Variants in GUCY1A1 observed in about 807,000 individuals in gnomAD.
The protein encoded by GUCY1A1 is guanylate cyclase 1 soluble subunit alpha 1.
GUCY1A1 carries 48 observed loss-of-function variants against 64.5 expected under a neutral mutation model. The ratio of observed to expected loss-of-function variants is 0.74; its 90% CI spans 0.59 to 0.95. The LOEUF (loss-of-function observed/expected upper bound fraction) is 0.95. Ranked by LOEUF, GUCY1A1 falls within the 40% of genes least tolerant of loss-of-function variation. The pLI is 0.00. For synonymous variants in GUCY1A1, 308 were observed against 303.4 expected, an observed-to-expected ratio of 1.02 and a Z score of -0.16; for missense variants, 804 against 825.3, an observed-to-expected ratio of 0.97 and a Z score of 0.32.
chr4:155,722,164 A>G lies in GUCY1A1; in HGVS notation c.1843A>G (p.Lys615Glu). 1 of 1,613,042 alleles carries G rather than the reference A, an allele frequency of 6.2e-7. No individual in the cohort carries two copies. Among genetic ancestry groups the G allele is most frequent in the Middle Eastern group, 1.7e-4 (1 of 6,046 alleles). ...NKFESCSVPR[K>E]INVSPTTYRL... ...ATTTGAGTCCTGCAGTGTACCACGA[A>G]AAATCAATGTCAGCCCAACAACTTA... Residue 615 changes from lysine to glutamate, a missense_variant, in exon 9 of 10, where the codon AAA becomes GAA. By Grantham distance (56) the Lys-to-Glu change is moderately conservative (BLOSUM62 1). Coordinates refer to ENST00000506455, the MANE Select transcript of GUCY1A1 (RefSeq NM_001130682.3).
chr4:155,688,100 C>A (rs1579030008), intron 2 of GUCY1A1, among the ~76,000 whole-genome samples: 1 of 151,698 alleles, frequency 6.6e-6, no homozygotes, highest in Non-Finnish European at 1.5e-5. Flanking sequence ...TGGTGGCGGG[C>A]GCCTGTAGTC....
rs368816970 is a variant in GUCY1A1 at position 155,710,551 on chromosome 4, T to G, written c.386T>G (p.Val129Gly). ...AEQAVAAGVP[V>G]EVIKESLGEE... is the part of the protein sequence containing the mutation. Reference sequence around the variant, plus strand: ...TATTATGTGATTTCAGGAGTTCCAGTGGAGGTTATCAAAGAATCTCTTGGT... The same window carrying G: ...TATTATGTGATTTCAGGAGTTCCAGGGGAGGTTATCAAAGAATCTCTTGGT... Residue 129 changes from valine to glycine, a missense_variant, in exon 6 of 10, where the codon GTG becomes GGG. Val to Gly is a moderately radical substitution (Grantham distance 109). Coordinates refer to ENST00000506455, the MANE Select transcript of GUCY1A1 (RefSeq NM_001130682.3). 1 of 1,581,736 alleles carries G rather than the reference T, an allele frequency of 6.3e-7. No individual in the cohort carries two copies. Among genetic ancestry groups the G allele is most frequent in the Non-Finnish European group, 8.7e-7 (1 of 1,154,644 alleles).
chr4:155,725,484 C>T (rs1348400324), intron 9 of GUCY1A1, among the ~76,000 whole-genome samples: 1 of 152,018 alleles, frequency 6.6e-6, no homozygotes, highest in Non-Finnish European at 1.5e-5. Flanking sequence ...TTCACTGACA[C>T]CTGTGTTTCT....
chr4:155,704,555 G>T (rs929013677), intron 4 of GUCY1A1, among the ~76,000 whole-genome samples: 5 of 151,228 alleles, frequency 3.3e-5, no homozygotes, highest in East Asian at 1.9e-4. Context: ...AGGGTTCCGG[G>T]GGGTAGCAGC....
intron 2 of GUCY1A1, among the ~76,000 whole-genome samples, chr4:155,678,414 A>C (rs781550660): frequency 1.9e-4 from 29 of 152,310 alleles, no homozygotes; most frequent in Non-Finnish European, 3.7e-4. Flanking sequence ...TTTTACAATA[A>C]TTTTATATCA....
chr4:155,686,218 G>A (rs1279388571), intron 2 of GUCY1A1, among the ~76,000 whole-genome samples: 1 of 152,174 alleles, frequency 6.6e-6, no homozygotes, highest in Non-Finnish European at 1.5e-5. Flanking sequence ...GCTCATACCT[G>A]TAATCCCAAC....
intron 2 of GUCY1A1, among the ~76,000 whole-genome samples, chr4:155,692,786 T>C (rs892526800): frequency 1.3e-5 from 2 of 152,188 alleles, no homozygotes; most frequent in Non-Finnish European, 2.9e-5. Context: ...AGGATGGGCA[T>C]GGTGGCTCAC....
At chr4:155,719,321 A>G (rs559433695) in intron 8 of GUCY1A1, among the ~76,000 whole-genome samples, 1 of 152,192 alleles carries the variant, frequency 6.6e-6, no homozygotes, top group East Asian at 1.9e-4. Context: ...GAAACATCAC[A>G]GAGGCAGAGT....
intron 9 of GUCY1A1, among the ~76,000 whole-genome samples, chr4:155,723,624 CTGCATTT>C (rs1446906251): frequency 7.5e-6 from 1 of 133,946 alleles, no homozygotes; most frequent in East Asian, 2.2e-4. Context: ...CCTTCTTCTT[CTGCATTT>C]ATTTATTTAT....
chr4:155,698,133 G>A (rs1730648695), intron 3 of GUCY1A1, among the ~76,000 whole-genome samples: 3 of 152,160 alleles, frequency 2.0e-5, no homozygotes, highest in Admixed American at 2.0e-4. Flanking sequence ...GAAGTTCAGT[G>A]ACTTGACCAA....
At chr4:155,717,130 T>C (rs763077526) in intron 7 of GUCY1A1, 29 bp from the exon 8 acceptor site, 5 of 1,352,294 alleles carry the variant, frequency 3.7e-6, no homozygotes, top group Non-Finnish European at 4.9e-6. Flanking sequence ...GAGCATTTAT[T>C]TATAGTATGG....
At chr4:155,687,267 A>AT (rs1198315404) in intron 2 of GUCY1A1, among the ~76,000 whole-genome samples, 1 of 152,130 alleles carries the variant, frequency 6.6e-6, no homozygotes, top group African/African-American at 2.4e-5. Flanking sequence ...GACACTGATC[A>AT]TTTTTTTCCT....
Position 155,694,171 on chromosome 4 carries a change from T to C in GUCY1A1, c.-112-2585T>C, listed in dbSNP as rs185845214. On this transcript the variant is annotated intron_variant, in intron 2 of 9. Coordinates refer to ENST00000506455, the MANE Select transcript of GUCY1A1 (RefSeq NM_001130682.3). ...CTTTTCCCTGAAAATTAATACAAAA[T>C]AGTGGTACTATTATTTGTATAAATA... 9.1e-4 allele frequency among the ~76,000 whole-genome samples: 139 copies of C among 152,304 alleles called. 1 individual carries two copies. Among genetic ancestry groups the C allele is most frequent in the African/African-American group, 3.2e-3 (133 of 41,560 alleles).
At chr4:155,689,577 G>T (rs749554554) in intron 2 of GUCY1A1, among the ~76,000 whole-genome samples, 1 of 152,272 alleles carries the variant, frequency 6.6e-6, no homozygotes, top group African/African-American at 2.4e-5. Context: ...GAAACAAAAT[G>T]TGAATTTGAA....
chr4:155,711,252 GT>G lies in GUCY1A1; in HGVS notation c.1086+2del. The G allele has an allele frequency of 6.9e-7, 1 of 1,450,898 alleles. No individual in the cohort carries two copies. Among genetic ancestry groups the G allele is most frequent in the Non-Finnish European group, 9.7e-7 (1 of 1,033,230 alleles). The allele number at this position is 1,450,898 out of a possible 1,614,324, so 89.9% of individuals were successfully genotyped here. A position where few individuals can be genotyped will look rare whatever the true frequency, so the allele number is the denominator to read the frequency against. ...CAACTCTGTGAAAAAATCTTCAAGG[GT>G]AAGGAAAACATAATACTATCTTGAA... is the stretch of plus-strand genomic sequence containing the variant. On this transcript the variant is annotated splice_donor_variant, in intron 6 of 9. Coordinates refer to ENST00000506455, the MANE Select transcript of GUCY1A1 (RefSeq NM_001130682.3). LOFTEE classifies it high-confidence loss of function.
In GUCY1A1 at chr4:155,710,704, G is replaced by A; in HGVS notation, c.539G>A (p.Gly180Glu). The change falls in exon 6 of 10, where the codon GGA becomes GAA. Residue 180 changes from glycine to glutamate, a missense_variant. Coordinates refer to ENST00000506455, the MANE Select transcript of GUCY1A1 (RefSeq NM_001130682.3). ...CAGAGCAGCCATTGCCAAGAAGCAG[G>A]AAAAAGGGGCAGGCTTGAGGACGCC... ...LKQSSHCQEAGKRGRLEDASI... is the reference protein window; with the variant it reads ...LKQSSHCQEAEKRGRLEDASI... 1 of 1,614,092 alleles carries A rather than the reference G, an allele frequency of 6.2e-7. No individual in the cohort carries two copies. Among genetic ancestry groups the A allele is most frequent in the Non-Finnish European group, 8.5e-7 (1 of 1,179,994 alleles).
chr4:155,716,010 G>A (rs532792665), intron 7 of GUCY1A1, among the ~76,000 whole-genome samples: 1 of 152,216 alleles, frequency 6.6e-6, no homozygotes, highest in South Asian at 2.1e-4. Context: ...GGTTTTAGCA[G>A]GGACTGAAGG....
At chr4:155,669,887 T>G (rs1733892114) in intron 2 of GUCY1A1, among the ~76,000 whole-genome samples, 1 of 152,178 alleles carries the variant, frequency 6.6e-6, no homozygotes, top group African/African-American at 2.4e-5. Context: ...ATTTCTTGCT[T>G]TACAGGTTAG....
Position 155,711,067 on chromosome 4 carries a change from T to C in GUCY1A1, c.902T>C (p.Phe301Ser). ...GACAAAGATATGACAATTCTGCAAT[T>C]TGGCAATGGCATCAGAAGGCTGATG... ...MFDKDMTILQ[F>S]GNGIRRLMNR... The change falls in exon 6 of 10, where the codon TTT (phenylalanine) becomes TCT (serine). Residue 301 changes from phenylalanine (F) to serine (S), a missense_variant. Phe to Ser is a radical substitution (Grantham distance 155). Transcript: ENST00000506455. The C allele has an allele frequency of 6.2e-7, 1 of 1,614,076 alleles. No individual in the cohort carries two copies. The highest frequency in any genetic ancestry group is 8.5e-7 in the Non-Finnish European group (1 of 1,179,952).
Sources: allele counts gnomAD v4.1 joint callset (sites outside exome capture counted in the v4.1 genomes callset), GRCh38; gene constraint gnomAD v4.1.1; transcripts MANE v1.5; gene names NCBI Gene and HGNC (gene_info 2026-07-23, HGNC 2026-07-21).